TRERF1: variants seen among roughly 807,000 people sequenced by gnomAD.
TRERF1 encodes transcriptional regulating factor 1.
TRERF1 carries 27 observed loss-of-function variants against 122.9 expected under a neutral mutation model. The observed-to-expected ratio is 0.22, with a 90% CI of 0.16 to 0.30. The LOEUF is 0.30. Ranked by LOEUF, TRERF1 falls within the 10% of genes least tolerant of loss-of-function variation. The pLI is 1.00. For missense variants in TRERF1, 1,248 were observed against 1,560.3 expected, an observed-to-expected ratio of 0.80 and a Z score of 3.37; for synonymous variants, 636 against 641.7, an observed-to-expected ratio of 0.99 and a Z score of 0.13.
At chr6:42,433,834 C>G (rs1784852763) in intron 2 of TRERF1, among the ~76,000 whole-genome samples, 1 of 151,888 alleles carries the variant, frequency 6.6e-6, no homozygotes, top group South Asian at 2.1e-4. Context: ...CCTGGATAAA[C>G]AGAGCAAGAC....
intron 13 of TRERF1, among the ~76,000 whole-genome samples, chr6:42,251,426 G>T (rs1284920130): frequency 6.6e-6 from 1 of 152,092 alleles, no homozygotes; most frequent in South Asian, 2.1e-4. Context: ...ATTTTTTGGG[G>T]GGTGCAAGTT....
intron 2 of TRERF1, among the ~76,000 whole-genome samples, chr6:42,421,290 A>T (rs1181709203): frequency 6.6e-6 from 1 of 152,184 alleles, no homozygotes; most frequent in Non-Finnish European, 1.5e-5. Context: ...ACTTTTTTCC[A>T]TTCTTACTCT....
intron 8 of TRERF1, among the ~76,000 whole-genome samples, chr6:42,260,710 C>T (rs1176050014): frequency 1.3e-5 from 2 of 152,092 alleles, no homozygotes; most frequent in Non-Finnish European, 2.9e-5. Context: ...AGCTGCAGGT[C>T]CTGGAGACTC....
rs185311899 is a variant in TRERF1, at chr6:42,401,673, C to T, written c.-453-38594G>A. The stretch of plus-strand genomic sequence containing the variant: ...TGGTGCCAGCATGGATGGGGCACTC[C>T]GTGGGTATCTCTCCAGCCACTTACC... On this transcript the variant is annotated intron_variant, in intron 2 of 17. Coordinates refer to ENST00000372922, the Ensembl canonical transcript of TRERF1. Among the ~76,000 whole-genome samples the T allele has an allele frequency of 1.2e-3, 190 of 152,234 alleles. 2 individuals are homozygous for T. The highest frequency in any genetic ancestry group is 4.4e-3 in the African/African-American group (183 of 41,518).
intron 4 of TRERF1, among the ~76,000 whole-genome samples, chr6:42,284,499 T>C (rs1429728078): frequency 6.6e-6 from 1 of 152,250 alleles, no homozygotes; most frequent in Non-Finnish European, 1.5e-5. Flanking sequence ...TCAGCTGAGG[T>C]AGAACAAGGT....
chr6:42,421,586 C>G (rs1406168854), intron 2 of TRERF1, among the ~76,000 whole-genome samples: 1 of 151,754 alleles, frequency 6.6e-6, no homozygotes, highest in African/African-American at 2.4e-5. Flanking sequence ...CCAGCCTAGA[C>G]AAAATGGCAA....
chr6:42,295,093 A>G (rs1312144984), intron 4 of TRERF1, among the ~76,000 whole-genome samples: 2 of 152,206 alleles, frequency 1.3e-5, no homozygotes, highest in Non-Finnish European at 2.9e-5. Flanking sequence ...GAAATGTCCA[A>G]TCATCTTGGG....
intron 4 of TRERF1, among the ~76,000 whole-genome samples, chr6:42,287,419 G>A (rs982978672): frequency 7.9e-5 from 12 of 152,040 alleles, no homozygotes; most frequent in Non-Finnish European, 1.2e-4. Context: ...GTTTAGAGAC[G>A]ATGTGGAAAC....
intron 2 of TRERF1, among the ~76,000 whole-genome samples, chr6:42,445,603 G>C (rs1226254721): frequency 1.3e-5 from 2 of 151,904 alleles, no homozygotes; most frequent in East Asian, 1.9e-4. Flanking sequence ...AAAATATCTT[G>C]ATTCTGCCCG....
At chr6:42,360,771 TAAAAAAAAA>T (rs55924002) in intron 3 of TRERF1, among the ~76,000 whole-genome samples, 686 of 36,452 alleles carry the variant, frequency 0.019, 3 homozygotes, top group Non-Finnish European at 0.028. Flanking sequence ...GTGGAGAGAT[TAAAAAAAAA>T]AAAAAAAAAA....
chr6:42,285,925 G>A (rs1783134489), intron 4 of TRERF1, among the ~76,000 whole-genome samples: 1 of 151,008 alleles, frequency 6.6e-6, no homozygotes, highest in South Asian at 2.1e-4. Flanking sequence ...AAACAGCATG[G>A]TACTGGTACC....
chr6:42,392,401 G>C (rs111700471), intron 2 of TRERF1, among the ~76,000 whole-genome samples: 3,483 of 152,226 alleles, frequency 0.023, 135 homozygotes, highest in African/African-American at 0.08. Flanking sequence ...CATTTAGGAC[G>C]TACCTGGGAC....
At chr6:42,387,174 A>G (rs1045565290) in intron 2 of TRERF1, among the ~76,000 whole-genome samples, 11 of 152,232 alleles carry the variant, frequency 7.2e-5, no homozygotes, top group Non-Finnish European at 1.6e-4. Flanking sequence ...CTAATTTAAC[A>G]AAGGTGGGCC....
chr6:42,417,374 T>G (rs1046316816), intron 2 of TRERF1, among the ~76,000 whole-genome samples: 52 of 151,246 alleles, frequency 3.4e-4, no homozygotes, highest in African/African-American at 1.2e-3. Flanking sequence ...ATGCACAGTA[T>G]GAAGGGATCC....
intron 13 of TRERF1, among the ~76,000 whole-genome samples, chr6:42,253,586 G>T (rs1049842385): frequency 5.2e-4 from 79 of 152,290 alleles, no homozygotes; most frequent in African/African-American, 1.9e-3. Context: ...GCTCCTTTAG[G>T]CCACCGGAGA....
chr6:42,431,742 T>C (rs893571960), intron 2 of TRERF1, among the ~76,000 whole-genome samples: 1 of 148,332 alleles, frequency 6.7e-6, no homozygotes, highest in East Asian at 2.1e-4. Flanking sequence ...AACCCCACAA[T>C]AGATACAATA....
chr6:42,267,348 G>T (rs1779393965), intron 5 of TRERF1, among the ~76,000 whole-genome samples: 1 of 151,942 alleles, frequency 6.6e-6, no homozygotes, highest in Admixed American at 6.6e-5. Context: ...AAGAAAAAAG[G>T]GGCCAGGCAC....
intron 2 of TRERF1, among the ~76,000 whole-genome samples, chr6:42,436,836 T>TAG (rs1785529171): frequency 7.1e-6 from 1 of 141,340 alleles, no homozygotes; most frequent in African/African-American, 2.6e-5. Context: ...TATATATATA[T>TAG]ATATATATAT....
chr6:42,318,053 C>G (rs1762792848), intron 3 of TRERF1, among the ~76,000 whole-genome samples: 1 of 151,694 alleles, frequency 6.6e-6, no homozygotes, highest in Admixed American at 6.6e-5. Context: ...ACTTGGGAGG[C>G]TGAGGCAGGA....
Sources: gnomAD v4.1 joint callset for allele counts (sites outside exome capture counted in the v4.1 genomes callset) on GRCh38, gnomAD v4.1.1 for gene constraint, MANE v1.5 for transcripts, NCBI Gene and HGNC (gene_info 2026-07-23, HGNC 2026-07-21) for gene names.